Variants in STIM1 observed in about 807,000 individuals in gnomAD.
STIM1 encodes the protein stromal interaction molecule 1.
STIM1 carries 25 observed loss-of-function variants against 74.7 expected under a neutral mutation model. The ratio of observed to expected loss-of-function variants is 0.33; its 90% confidence interval spans 0.24 to 0.47. STIM1 has a LOEUF of 0.47. Ranked by LOEUF, STIM1 falls within the 20% of genes least tolerant of loss-of-function variation. The pLI is 1.00. For synonymous variants in STIM1, 328 were observed against 348.8 expected (o/e 0.94, Z 0.66); for missense variants, 728 against 920.8 (o/e 0.79, Z 2.71).
chr11:4,003,784 G>C (rs532792761), intron 2 of STIM1, among the ~76,000 whole-genome samples: 2 of 152,304 alleles, frequency 1.3e-5, no homozygotes, highest in South Asian at 4.1e-4. Context: ...ATTAGGAAAA[G>C]AGGAAGCCAA....
intron 1 of STIM1, among the ~76,000 whole-genome samples, chr11:3,865,339 C>G (rs148442331): frequency 6.6e-6 from 1 of 152,300 alleles, no homozygotes; most frequent in African/African-American, 2.4e-5. Flanking sequence ...ATATGTTGTT[C>G]TCACTCTGTT....
At chr11:3,934,732 A>G (rs1393457246) in intron 1 of STIM1, among the ~76,000 whole-genome samples, 1 of 152,202 alleles carries the variant, frequency 6.6e-6, no homozygotes, top group Non-Finnish European at 1.5e-5. Context: ...TCTCTTCCAT[A>G]ATTCACTGTT....
chr11:4,070,200 A>G lies in STIM1; in HGVS notation c.788A>G (p.Glu263Gly). 1 of 1,613,898 alleles carries G rather than the reference A, an allele frequency of 6.2e-7. No homozygotes were observed. Among genetic ancestry groups the G allele is most frequent in the South Asian group, 1.1e-5 (1 of 91,058 alleles). Residue 263 changes from glutamate to glycine, a missense_variant, in exon 6 of 13, where the codon GAA becomes GGA. This residue lies in a region of STIM1 where 131 missense variants were observed against 235.9 expected (regional missense o/e 0.56). Transcript: ENST00000526596. ...GAGCAGAGTCTGCATGACCTTCAGGAAAGGTAAGGCCTGCCCCTTCAGGAA... is the reference window on the plus strand; with the variant it reads ...GAGCAGAGTCTGCATGACCTTCAGGGAAGGTAAGGCCTGCCCCTTCAGGAA... ...RAEQSLHDLQ[E>G]RLHKAQEEHR...
At chr11:3,953,599 C>T (rs951964479) in intron 1 of STIM1, among the ~76,000 whole-genome samples, 5 of 152,144 alleles carry the variant, frequency 3.3e-5, no homozygotes, top group African/African-American at 1.2e-4. Flanking sequence ...GGCAAAACAA[C>T]CCATTTTATG....
chr11:4,016,450 G>C (rs2093897748), intron 2 of STIM1, among the ~76,000 whole-genome samples: 1 of 152,172 alleles, frequency 6.6e-6, no homozygotes, highest in Non-Finnish European at 1.5e-5. Context: ...CCGCCTGTAT[G>C]AGGTGTCTGT....
At chr11:4,055,962 G>A (rs1323867010) in intron 4 of STIM1, among the ~76,000 whole-genome samples, 1 of 152,158 alleles carries the variant, frequency 6.6e-6, no homozygotes, top group Admixed American at 6.5e-5. Flanking sequence ...TGTAAGGTGG[G>A]TATTATTGTA....
At chr11:3,937,033 C>A (rs2092940346) in intron 1 of STIM1, among the ~76,000 whole-genome samples, 1 of 151,994 alleles carries the variant, frequency 6.6e-6, no homozygotes, top group African/African-American at 2.4e-5. Context: ...CAGCTGGGTG[C>A]AGTGGACCAC....
At chr11:3,917,138 TG>T (rs2092656424) in intron 1 of STIM1, among the ~76,000 whole-genome samples, 1 of 152,168 alleles carries the variant, frequency 6.6e-6, no homozygotes, top group Non-Finnish European at 1.5e-5. Flanking sequence ...GCTCTGCTAT[TG>T]GCTTGTCTGT....
rs779465034 is a variant in STIM1 at position 3,911,782 on chromosome 11, T to C, written c.139+55373T>C. On this transcript the variant is annotated intron_variant, in intron 1 of 12. Coordinates refer to ENST00000526596, the MANE Select transcript of STIM1 (RefSeq NM_001382567.1). ...GTCCTCCTTGCCTGTAGGCAGGCAG[T>C]CTATTCTACTGTTACTCTCCTATCA... is the stretch of plus-strand genomic sequence containing the variant. Among the ~76,000 whole-genome samples, 9 of 152,216 alleles carry C rather than the reference T, an allele frequency of 5.9e-5. No individual in the cohort carries two copies. In the South Asian group the frequency reaches 6.2e-4, roughly 10 times the overall value.
chr11:3,909,050 T>A (rs1023884650), intron 1 of STIM1, among the ~76,000 whole-genome samples: 1 of 152,202 alleles, frequency 6.6e-6, no homozygotes, highest in African/African-American at 2.4e-5. Flanking sequence ...GGGATAGTAC[T>A]AGTGTTACTT....
At chr11:3,866,709 A>G (rs1419285770) in intron 1 of STIM1, among the ~76,000 whole-genome samples, 1 of 152,074 alleles carries the variant, frequency 6.6e-6, no homozygotes, top group Non-Finnish European at 1.5e-5. Flanking sequence ...ACAGCAAGCC[A>G]GTACCTAAGA....
At chr11:4,066,256 G>T (rs1198586942) in intron 5 of STIM1, among the ~76,000 whole-genome samples, 1 of 152,150 alleles carries the variant, frequency 6.6e-6, no homozygotes, top group Non-Finnish European at 1.5e-5. Context: ...CCTGGCTATG[G>T]TTACTGAGTG....
At chr11:3,918,607 G>A (rs755454570) in intron 1 of STIM1, among the ~76,000 whole-genome samples, 20 of 152,082 alleles carry the variant, frequency 1.3e-4, no homozygotes, top group Non-Finnish European at 2.8e-4. Flanking sequence ...TGGTGCTGGT[G>A]GTCCTGGGTA....
chr11:4,007,957 C>A (rs2093799322), intron 2 of STIM1, among the ~76,000 whole-genome samples: 1 of 152,060 alleles, frequency 6.6e-6, no homozygotes, highest in African/African-American at 2.4e-5. Context: ...CTCCATAGCT[C>A]CTTTAGCACC....
chr11:3,883,123 C>G (rs2091578850), intron 1 of STIM1, among the ~76,000 whole-genome samples: 1 of 152,110 alleles, frequency 6.6e-6, no homozygotes, highest in South Asian at 2.1e-4. Flanking sequence ...AAATCACCCA[C>G]TAGCCTTTAA....
Position 3,989,308 on chromosome 11 carries a change from T to C in STIM1, c.270+21626T>C. The C allele has an allele frequency of 4.3e-6, 4 of 925,218 alleles. No individual in the cohort carries two copies. In the South Asian group the frequency reaches 5.2e-5, roughly 12 times the overall value. 57.3% of individuals were successfully genotyped at this position (925,218 alleles called of 1,614,324 possible). On this transcript the variant is annotated intron_variant, in intron 2 of 12. Transcript: ENST00000526596. ...CTTTGCTCCCCTTTTCCCTTTTGTTTGCACTTGTTTGTCTGAAGATTTATC... is the reference window on the plus strand; with the variant it reads ...CTTTGCTCCCCTTTTCCCTTTTGTTCGCACTTGTTTGTCTGAAGATTTATC...
intron 2 of STIM1, among the ~76,000 whole-genome samples, chr11:4,013,597 G>C (rs886872061): frequency 6.7e-6 from 1 of 149,878 alleles, no homozygotes; most frequent in African/African-American, 2.5e-5. Flanking sequence ...GATCGGTGGC[G>C]ATATCCCCTT....
intron 3 of STIM1, among the ~76,000 whole-genome samples, chr11:4,037,974 T>C (rs1216705573): frequency 2.6e-5 from 4 of 152,252 alleles, no homozygotes; most frequent in African/African-American, 7.2e-5. Flanking sequence ...GCTTATTAGA[T>C]ATAACTGGTA....
chr11:3,891,439 C>T (rs2091893825), intron 1 of STIM1, among the ~76,000 whole-genome samples: 1 of 152,028 alleles, frequency 6.6e-6, no homozygotes, highest in African/African-American at 2.4e-5. Flanking sequence ...ACTACAGGCA[C>T]ATGCCACCAT....
Sources: gnomAD v4.1 joint callset for allele counts (sites outside exome capture counted in the v4.1 genomes callset) on GRCh38, gnomAD v4.1.1 for gene constraint, gnomAD v4.1.1 regional missense constraint, MANE v1.5 for transcripts, NCBI Gene and HGNC (gene_info 2026-07-23, HGNC 2026-07-21) for gene names.